CTNNA2: variants seen among roughly 807,000 people sequenced by gnomAD.
CTNNA2 encodes catenin alpha-2.
CTNNA2 carries 42 observed loss-of-function variants against 101.0 expected under a neutral mutation model. That is an observed-to-expected ratio of 0.42 (90% confidence interval 0.32 to 0.54). The LOEUF is 0.54. Ranked by LOEUF, CTNNA2 falls within the 20% of genes least tolerant of loss-of-function variation. The pLI, the probability that CTNNA2 is intolerant of heterozygous loss-of-function variation, is 0.14. For synonymous variants in CTNNA2, 450 were observed against 456.4 expected, an observed-to-expected ratio of 0.99 and a Z score of 0.18; for missense variants, 871 against 1,223.1, an observed-to-expected ratio of 0.71 and a Z score of 4.29.
chr2:79,340,357 G>A (rs964295233), intron 3 of CTNNA2, among the ~76,000 whole-genome samples: 1 of 152,184 alleles, frequency 6.6e-6, no homozygotes, highest in African/African-American at 2.4e-5. Context: ...ACGCACATAT[G>A]TATCACTTAT....
At chr2:79,860,615 G>GT (rs1681545148) in intron 4 of CTNNA2, among the ~76,000 whole-genome samples, 1 of 132,412 alleles carries the variant, frequency 7.6e-6, no homozygotes, top group African/African-American at 2.8e-5. Context: ...ATATTAAGTA[G>GT]TCCTGTCAGA....
intron 9 of CTNNA2, among the ~76,000 whole-genome samples, chr2:80,539,282 C>G (rs1432836698): frequency 6.8e-6 from 1 of 147,696 alleles, no homozygotes; most frequent in Non-Finnish European, 1.5e-5. Flanking sequence ...AAGTTACTTT[C>G]TTCAAAAAAT....
At chr2:79,885,833 G>C (rs1180128156) in intron 6 of CTNNA2, among the ~76,000 whole-genome samples, 1 of 152,166 alleles carries the variant, frequency 6.6e-6, no homozygotes, top group Non-Finnish European at 1.5e-5. Flanking sequence ...AAGAACACTG[G>C]AAAGAGTCCA....
intron 3 of CTNNA2, among the ~76,000 whole-genome samples, chr2:79,746,688 A>G (rs539064935): frequency 1.1e-4 from 17 of 152,306 alleles, no homozygotes; most frequent in African/African-American, 4.1e-4. Context: ...TTCATGCCCC[A>G]GGGCCTTTAT....
intron 7 of CTNNA2, among the ~76,000 whole-genome samples, chr2:80,265,672 A>G (rs1672952525): frequency 6.6e-6 from 1 of 152,172 alleles, no homozygotes; most frequent in Non-Finnish European, 1.5e-5. Flanking sequence ...CTGTGTTGAC[A>G]TGTAACTTCT....
intron 15 of CTNNA2, among the ~76,000 whole-genome samples, chr2:80,599,827 G>A (rs1283087960): frequency 4.6e-5 from 7 of 151,586 alleles, no homozygotes; most frequent in African/African-American, 9.7e-5. Flanking sequence ...ACAATGTGCC[G>A]ATTAGTTACA....
intron 4 of CTNNA2, among the ~76,000 whole-genome samples, chr2:79,474,618 ATAGAG>A (rs891408336): frequency 3.9e-5 from 6 of 152,342 alleles, no homozygotes; most frequent in Middle Eastern, 6.8e-3. Context: ...GAGTTATAAA[ATAGAG>A]TAATCATTAT....
intron 7 of CTNNA2, among the ~76,000 whole-genome samples, chr2:80,210,219 T>C (rs956627234): frequency 1.3e-5 from 2 of 152,222 alleles, no homozygotes; most frequent in African/African-American, 2.4e-5. Flanking sequence ...TGTTTTTCTT[T>C]CTTTTTTATT....
intron 2 of CTNNA2, among the ~76,000 whole-genome samples, chr2:79,668,270 A>C (rs1431489914): frequency 1.4e-5 from 2 of 145,702 alleles, no homozygotes; most frequent in Admixed American, 1.4e-4. Flanking sequence ...AAAAAAAAAA[A>C]AAAACTTGAA....
intron 7 of CTNNA2, among the ~76,000 whole-genome samples, chr2:80,182,106 A>G (rs956106216): frequency 2.0e-5 from 3 of 152,204 alleles, no homozygotes; most frequent in Admixed American, 6.5e-5. Context: ...ACAGTAGGCC[A>G]TCTGCAAGCT....
chr2:79,800,583 AG>A (rs1463409280), intron 3 of CTNNA2, among the ~76,000 whole-genome samples: 1 of 152,152 alleles, frequency 6.6e-6, no homozygotes, highest in Non-Finnish European at 1.5e-5. Flanking sequence ...GGGAGTTTAG[AG>A]GAGCCCACCA....
chr2:80,095,919 G>A (rs554361496), intron 7 of CTNNA2, among the ~76,000 whole-genome samples: 7 of 152,108 alleles, frequency 4.6e-5, no homozygotes, highest in Non-Finnish European at 1.0e-4. Context: ...TCTTGCTAGC[G>A]ATCTATTAAT....
At position 80,070,861 on chromosome 2, in the gene CTNNA2, T is replaced by C. The variant is rs984394776; in HGVS notation, c.1056+161064T>C. Among the ~76,000 whole-genome samples, 3 of 152,300 alleles carry C rather than the reference T, an allele frequency of 2.0e-5. 1 individual carries two copies. The South Asian group carries it at 6.2e-4, about 32-fold the overall frequency. The stretch of plus-strand genomic sequence containing the variant: ...GGTGGCTACCTACATTCCTTGGCCA[T>C]ATAACTCCAGTCTCTGCCCATGGTC... On this transcript the variant is annotated intron_variant, in intron 7 of 18. Coordinates refer to ENST00000402739, the MANE Select transcript of CTNNA2 (RefSeq NM_001282597.3).
chr2:79,728,817 A>G (rs995065077), intron 2 of CTNNA2, among the ~76,000 whole-genome samples: 4 of 152,208 alleles, frequency 2.6e-5, no homozygotes, highest in Admixed American at 2.0e-4. Flanking sequence ...TCCCAGCACC[A>G]TATATTAAAT....
At chr2:80,296,897 G>C (rs1054107774) in intron 7 of CTNNA2, among the ~76,000 whole-genome samples, 31 of 152,116 alleles carry the variant, frequency 2.0e-4, no homozygotes, top group African/African-American at 7.2e-4. Flanking sequence ...ATTTGCCCCT[G>C]GTTGAGAACC....
Position 80,393,205 on chromosome 2 carries a change from T to G in CTNNA2, c.1057-6T>G. On this transcript the variant is annotated splice_region_variant and splice_polypyrimidine_tract_variant and intron_variant, in intron 7 of 18. Coordinates refer to ENST00000402739, the MANE Select transcript of CTNNA2 (RefSeq NM_001282597.3). ...AAATCAGAAATTATTTCTCTTTTCTTAATAGACTGGAAGGAAAGAAAAAGG... is the reference window on the plus strand; with the variant it reads ...AAATCAGAAATTATTTCTCTTTTCTGAATAGACTGGAAGGAAAGAAAAAGG... 6.3e-7 allele frequency: 1 copy of G among 1,597,170 alleles called. No homozygotes were observed. Among genetic ancestry groups the G allele is most frequent in the Non-Finnish European group, 8.5e-7 (1 of 1,171,848 alleles).
intron 4 of CTNNA2, among the ~76,000 whole-genome samples, chr2:79,391,844 A>T (rs1323216807): frequency 6.6e-6 from 1 of 152,182 alleles, no homozygotes; most frequent in South Asian, 2.1e-4. Context: ...TCACAGTTGT[A>T]AAGGCTGGAA....
intron 1 of CTNNA2, among the ~76,000 whole-genome samples, chr2:79,615,589 AG>A: frequency 6.6e-6 from 1 of 152,298 alleles, no homozygotes; most frequent in East Asian, 1.9e-4. Flanking sequence ...TTTTGACGAG[AG>A]GGTCAATGAA....
At chr2:79,624,334 C>T (rs796942173) in intron 1 of CTNNA2, among the ~76,000 whole-genome samples, 4 of 147,664 alleles carry the variant, frequency 2.7e-5, no homozygotes, top group African/African-American at 9.9e-5. Flanking sequence ...TTTCATTAGG[C>T]TTTTTTTTTT....
Sources: gnomAD v4.1 joint callset for allele counts (sites outside exome capture counted in the v4.1 genomes callset) on GRCh38, gnomAD v4.1.1 for gene constraint, MANE v1.5 for transcripts, NCBI Gene and HGNC (gene_info 2026-07-23, HGNC 2026-07-21) for gene names.